Variants in VWA3B observed in about 807,000 individuals in gnomAD.
The protein encoded by VWA3B is von Willebrand factor A domain containing 3B.
Under a neutral mutation model 158.3 loss-of-function variants are expected in VWA3B, and 138 were observed. That is an observed-to-expected ratio of 0.87 (90% CI 0.76 to 1.00). VWA3B has a LOEUF of 1.00. Among genes scored for constraint, VWA3B ranks in the 50% least tolerant of loss-of-function variants. The probability of loss-of-function intolerance (pLI) is 0.00; values close to 1 mark genes in which losing one functional copy is unlikely to be tolerated. For synonymous variants in VWA3B, 596 were observed against 587.3 expected (o/e 1.01, Z -0.21); for missense variants, 1,555 against 1,565.1 (o/e 0.99, Z 0.11).
intron 8 of VWA3B, among the ~76,000 whole-genome samples, chr2:98,175,194 C>CCA (rs1679907676): frequency 6.6e-6 from 1 of 152,036 alleles, no homozygotes; most frequent in South Asian, 2.1e-4. Flanking sequence ...AGGGAATTGT[C>CCA]CATGAGGAAA....
intron 21 of VWA3B, among the ~76,000 whole-genome samples, chr2:98,267,618 C>A (rs1379057073): frequency 2.0e-5 from 3 of 151,848 alleles, no homozygotes; most frequent in Admixed American, 6.6e-5. Flanking sequence ...CCTAACATCA[C>A]AATTAAAAGA....
chr2:98,110,699 T>G (rs564417609), intron 2 of VWA3B, among the ~76,000 whole-genome samples: 1 of 152,314 alleles, frequency 6.6e-6, no homozygotes, highest in South Asian at 2.1e-4. Context: ...AGAGTGCACA[T>G]TGTACCCAAT....
intron 2 of VWA3B, among the ~76,000 whole-genome samples, chr2:98,096,688 G>A (rs754047414): frequency 7.2e-5 from 11 of 152,010 alleles, no homozygotes; most frequent in Non-Finnish European, 1.5e-4. Flanking sequence ...TTTCTTTTAG[G>A]TTATCTAATT....
intron 7 of VWA3B, among the ~76,000 whole-genome samples, chr2:98,144,959 G>A (rs796151485): frequency 4.9e-4 from 75 of 152,360 alleles, no homozygotes; most frequent in African/African-American, 1.7e-3. Flanking sequence ...TCCCTTGAGT[G>A]GCTCAGGAGC....
intron 25 of VWA3B, 112 bp downstream of exon 25, chr2:98,300,328 C>T: frequency 6.9e-7 from 1 of 1,451,484 alleles, no homozygotes; most frequent in Non-Finnish European, 9.4e-7. Context: ...TGCTGCCCTG[C>T]TCTCCACTCC....
chr2:98,206,507 A>AG (rs767137268), intron 12 of VWA3B: 13 of 476,222 alleles, frequency 2.7e-5, no homozygotes, highest in Non-Finnish European at 3.7e-5. Context: ...AGGCTTGTTT[A>AG]GAGGCCAGAA....
rs1045181933 is a variant in VWA3B, at chr2:98,093,428, G to A, written c.196+140G>A. ...ATATCCCTATCAGTAGAAAATGCTT[G>A]CACGTGTGCCCCCAATATATGTGTA... On this transcript the variant is annotated intron_variant, in intron 2 of 27. Coordinates refer to ENST00000477737, the MANE Select transcript of VWA3B (RefSeq NM_144992.5). 15 of 754,952 alleles carry A rather than the reference G, an allele frequency of 2.0e-5. No homozygotes were observed. In the South Asian group the frequency reaches 2.6e-4, roughly 13 times the overall value. 46.8% of individuals were successfully genotyped at this position (754,952 alleles called of 1,614,324 possible). A position where few individuals can be genotyped will look rare whatever the true frequency, so the allele number is the denominator to read the frequency against.
intron 26 of VWA3B, among the ~76,000 whole-genome samples, chr2:98,309,766 C>T (rs112825351): frequency 4.6e-5 from 7 of 152,162 alleles, no homozygotes; most frequent in Non-Finnish European, 5.9e-5. Flanking sequence ...TCACTCCTGA[C>T]GATTTTCTCC....
chr2:98,270,659 T>G, intron 21 of VWA3B, 23 bp from the exon 22 acceptor site: 1 of 1,600,452 alleles, frequency 6.2e-7, no homozygotes, highest in Non-Finnish European at 8.5e-7. Context: ...CTCTGTTTGT[T>G]TGTTTGTTTC....
intron 10 of VWA3B, among the ~76,000 whole-genome samples, chr2:98,189,779 C>T (rs376748477): frequency 9.2e-5 from 14 of 152,128 alleles, no homozygotes; most frequent in African/African-American, 3.4e-4. Flanking sequence ...GTTATGTTCT[C>T]TCGATGAACC....
At chr2:98,276,415 T>C (rs1688524667) in intron 22 of VWA3B, among the ~76,000 whole-genome samples, 2 of 152,240 alleles carry the variant, frequency 1.3e-5, no homozygotes, top group African/African-American at 4.8e-5. Context: ...CTGATTTATA[T>C]GTAAATACAG....
At chr2:98,195,226 T>C (rs1394605554) in intron 12 of VWA3B, among the ~76,000 whole-genome samples, 1 of 152,158 alleles carries the variant, frequency 6.6e-6, no homozygotes, top group Non-Finnish European at 1.5e-5. Flanking sequence ...GGTAGGAGGA[T>C]CGTTTGAGCC....
chr2:98,262,122 G>T (rs1687524948), intron 21 of VWA3B, among the ~76,000 whole-genome samples: 1 of 151,574 alleles, frequency 6.6e-6, no homozygotes, highest in Admixed American at 6.6e-5. Flanking sequence ...TTGAAACTGG[G>T]TTATGTTGTT....
Position 98,181,165 on chromosome 2 carries a change from G to A in VWA3B, c.1264G>A (p.Val422Met), listed in dbSNP as rs1332796183. The change falls in exon 9 of 28, where the codon GTG (valine) becomes ATG (methionine). Residue 422 changes from valine to methionine, a missense_variant. Transcript: ENST00000477737. ...CTCTTTCCGCCACGCTGATGGGGTT[G>A]TGGATATAAAAGCCAAACCGGAGAA... is the stretch of plus-strand genomic sequence containing the variant. ...DCSFRHADGV[V>M]DIKAKPENES... The A allele has an allele frequency of 1.9e-6, 3 of 1,614,244 alleles. No homozygotes were observed. The highest frequency in any genetic ancestry group is 2.2e-5 in the East Asian group (1 of 44,884).
chr2:98,288,151 A>G (rs1485416253), intron 22 of VWA3B, among the ~76,000 whole-genome samples: 1 of 152,242 alleles, frequency 6.6e-6, no homozygotes, highest in East Asian at 1.9e-4. Flanking sequence ...TACCTTGAGA[A>G]TTGGTCATAT....
At chr2:98,120,177 A>T (rs1459376350) in intron 4 of VWA3B, among the ~76,000 whole-genome samples, 1 of 152,206 alleles carries the variant, frequency 6.6e-6, no homozygotes, top group Admixed American at 6.5e-5. Context: ...CTCCCCTATA[A>T]GTTGACCCCT....
intron 13 of VWA3B, chr2:98,216,851 C>T (rs1192736099): frequency 1.0e-6 from 1 of 990,558 alleles, no homozygotes; most frequent in Non-Finnish European, 1.4e-6. Context: ...CAGGACATGC[C>T]CTAGGCCATT....
At chr2:98,301,686 G>A (rs980319199) in intron 25 of VWA3B, among the ~76,000 whole-genome samples, 2 of 152,162 alleles carry the variant, frequency 1.3e-5, no homozygotes, top group African/African-American at 2.4e-5. Context: ...ACGGATGTTT[G>A]TTAAGGGTCT....
chr2:98,108,844 T>C (rs576723306), intron 2 of VWA3B, among the ~76,000 whole-genome samples: 2 of 152,192 alleles, frequency 1.3e-5, no homozygotes, highest in East Asian at 3.9e-4. Context: ...TACAATTAAC[T>C]TGATTATTGA....
Sources: allele counts gnomAD v4.1 joint callset (sites outside exome capture counted in the v4.1 genomes callset), GRCh38; gene constraint gnomAD v4.1.1; transcripts MANE v1.5; gene names NCBI Gene and HGNC (gene_info 2026-07-23, HGNC 2026-07-21).